Variants in MAN1A2 observed in about 807,000 individuals in gnomAD.
MAN1A2 encodes the protein mannosidase alpha class 1A member 2.
Under a neutral mutation model 75.7 loss-of-function variants are expected in MAN1A2, and 26 were observed. The observed-to-expected ratio is 0.34, with a 90% CI of 0.25 to 0.48. MAN1A2 has a LOEUF of 0.48. Ranked by LOEUF, MAN1A2 falls within the 20% of genes least tolerant of loss-of-function variation. The pLI is 0.99. For synonymous variants in MAN1A2, 247 were observed against 264.6 expected (o/e 0.93, Z 0.65); for missense variants, 562 against 775.5 (o/e 0.72, Z 3.27).
chr1:117,520,277 C>T (rs1313548430), intron 12 of MAN1A2, among the ~76,000 whole-genome samples: 2 of 151,974 alleles, frequency 1.3e-5, no homozygotes, highest in Non-Finnish European at 2.9e-5. Context: ...CAAGGATGCC[C>T]ACTCTCACCA....
intron 8 of MAN1A2, among the ~76,000 whole-genome samples, chr1:117,470,120 A>G (rs1650101563): frequency 6.6e-6 from 1 of 152,190 alleles, no homozygotes; most frequent in African/African-American, 2.4e-5. Context: ...ACAATGGACT[A>G]TTACTCAGCC....
At chr1:117,503,538 A>T (rs1651264265) in intron 12 of MAN1A2, among the ~76,000 whole-genome samples, 1 of 151,672 alleles carries the variant, frequency 6.6e-6, no homozygotes, top group South Asian at 2.1e-4. Context: ...CCCCAGGTAG[A>T]GGTCTCTGTA....
chr1:117,389,127 A>G (rs916884860), intron 1 of MAN1A2, among the ~76,000 whole-genome samples: 3 of 152,212 alleles, frequency 2.0e-5, no homozygotes, highest in African/African-American at 7.2e-5. Context: ...CCCATCTAAA[A>G]CAACCCCCCA....
At chr1:117,420,502 A>G in intron 4 of MAN1A2, 67 bp from the exon 5 acceptor site, 7 of 1,116,412 alleles carry the variant, frequency 6.3e-6, no homozygotes, top group Non-Finnish European at 9.5e-6. Flanking sequence ...CAAATGAAGT[A>G]TTGATAATAT....
intron 8 of MAN1A2, among the ~76,000 whole-genome samples, chr1:117,469,443 C>T (rs969124415): frequency 1.0e-3 from 158 of 151,980 alleles, no homozygotes; most frequent in African/African-American, 3.8e-3. Context: ...GGTAACAATA[C>T]AAAAATAAAA....
intron 6 of MAN1A2, among the ~76,000 whole-genome samples, chr1:117,454,485 GA>G (rs1649517902): frequency 6.6e-6 from 1 of 152,088 alleles, no homozygotes; most frequent in Non-Finnish European, 1.5e-5. Flanking sequence ...AGTGTTGAAA[GA>G]AAAAAGTCGA....
intron 7 of MAN1A2, among the ~76,000 whole-genome samples, chr1:117,465,653 A>G (rs1649958348): frequency 6.6e-6 from 1 of 152,176 alleles, no homozygotes; most frequent in Non-Finnish European, 1.5e-5. Flanking sequence ...TACAAGGAAC[A>G]TAACACCTCC....
At chr1:117,447,035 GT>G (rs924525297) in intron 6 of MAN1A2, among the ~76,000 whole-genome samples, 9 of 152,094 alleles carry the variant, frequency 5.9e-5, no homozygotes, top group Non-Finnish European at 1.3e-4. Context: ...CTCTGGTAAT[GT>G]TTTTGTCTTG....
chr1:117,479,571 A>G (rs989504750), intron 8 of MAN1A2, among the ~76,000 whole-genome samples: 2 of 151,946 alleles, frequency 1.3e-5, no homozygotes, highest in African/African-American at 4.8e-5. Flanking sequence ...CCACCAGTAT[A>G]AAAGCATCCC....
intron 1 of MAN1A2, among the ~76,000 whole-genome samples, chr1:117,378,222 T>G (rs1653218974): frequency 6.6e-6 from 1 of 152,232 alleles, no homozygotes; most frequent in African/African-American, 2.4e-5. Flanking sequence ...TCCTAACATT[T>G]TCTTATTTTG....
chr1:117,439,249 G>T (rs542043423), intron 5 of MAN1A2, among the ~76,000 whole-genome samples: 1 of 152,122 alleles, frequency 6.6e-6, no homozygotes, highest in South Asian at 2.1e-4. Flanking sequence ...TTTGATATAG[G>T]TATATACCCT....
Position 117,493,315 on chromosome 1 carries a change from T to C in MAN1A2, c.1284+53T>C, listed in dbSNP as rs867618743. On this transcript the variant is annotated intron_variant, in intron 9 of 12. Transcript: ENST00000356554. Reference sequence around the variant, plus strand: ...TTAATGGATTGAATGTACAGTGTATTTTGTAGTGACTAGATGAATATCTTA... The same window carrying C: ...TTAATGGATTGAATGTACAGTGTATCTTGTAGTGACTAGATGAATATCTTA... The C allele has an allele frequency of 4.4e-6, 5 of 1,139,034 alleles. No homozygotes were observed. In the Middle Eastern group the frequency reaches 5.9e-4, roughly 135 times the overall value. The allele number at this position is 1,139,034 out of a possible 1,614,324, so 70.6% of individuals were successfully genotyped here.
chr1:117,436,963 T>C (rs1293059585), intron 5 of MAN1A2, among the ~76,000 whole-genome samples: 2 of 152,210 alleles, frequency 1.3e-5, no homozygotes, highest in East Asian at 1.9e-4. Context: ...TTTAAAATTA[T>C]TATTTGCAGG....
rs72691704 is a variant in MAN1A2, at chr1:117,410,156, A to G, written c.655+4511A>G. The stretch of plus-strand genomic sequence containing the variant: ...TTATTTTTAAAATTATTTTCCCCAA[A>G]TATTTTCCGTCTACCGTTGGTTGAA... On this transcript the variant is annotated intron_variant, in intron 3 of 12. Coordinates refer to ENST00000356554, the MANE Select transcript of MAN1A2 (RefSeq NM_006699.5). 7.4e-3 allele frequency among the ~76,000 whole-genome samples: 1,119 copies of G among 152,052 alleles called. 8 individuals carry two copies. Among genetic ancestry groups the G allele is most frequent in the Non-Finnish European group, 0.011 (758 of 67,846 alleles).
intron 5 of MAN1A2, among the ~76,000 whole-genome samples, chr1:117,429,781 G>A (rs1261944071): frequency 6.7e-5 from 7 of 104,166 alleles, no homozygotes; most frequent in South Asian, 3.6e-4. Context: ...CCTCCCTCCC[G>A]GACGGGGCGG....
chr1:117,497,605 CT>C (rs1300036122), intron 10 of MAN1A2, among the ~76,000 whole-genome samples: 3 of 151,800 alleles, frequency 2.0e-5, no homozygotes, highest in Admixed American at 2.0e-4. Context: ...AATTTTTACT[CT>C]TTTTATGTAT....
intron 9 of MAN1A2, chr1:117,493,752 G>A (rs1027445427): frequency 6.6e-6 from 1 of 152,094 alleles, no homozygotes; most frequent in Non-Finnish European, 1.5e-5. Flanking sequence ...TTGTACTCCA[G>A]CCTGGGTGAC....
At chr1:117,401,198 G>C (rs1466979310) in intron 1 of MAN1A2, among the ~76,000 whole-genome samples, 1 of 145,596 alleles carries the variant, frequency 6.9e-6, no homozygotes, top group African/African-American at 2.5e-5. Context: ...TGAGATAAAT[G>C]CCGAGAAGTG....
At chr1:117,490,141 A>T (rs1258250326) in intron 8 of MAN1A2, among the ~76,000 whole-genome samples, 1 of 152,058 alleles carries the variant, frequency 6.6e-6, no homozygotes, top group African/African-American at 2.4e-5. Flanking sequence ...CCATATGTTT[A>T]TATGCTTAGC....
Sources: gnomAD v4.1 joint callset for allele counts (sites outside exome capture counted in the v4.1 genomes callset) on GRCh38, gnomAD v4.1.1 for gene constraint, MANE v1.5 for transcripts, NCBI Gene and HGNC (gene_info 2026-07-23, HGNC 2026-07-21) for gene names.